ARSB: variants seen among roughly 807,000 people sequenced by gnomAD.
The protein encoded by ARSB is N-acetylgalactosamine-4-sulfatase.
A neutral mutation model predicts 50.9 loss-of-function variants in ARSB; 41 were observed. The ratio of observed to expected loss-of-function variants is 0.81; its 90% CI spans 0.63 to 1.04. The LOEUF (loss-of-function observed/expected upper bound fraction) is 1.04, where lower values mean the gene tolerates loss of function less well. ARSB is among the 50% of genes least tolerant of loss of function. The pLI is 0.00. For synonymous variants in ARSB, 269 were observed against 284.8 expected, an observed-to-expected ratio of 0.94 and a Z score of 0.56; for missense variants, 672 against 693.3, an observed-to-expected ratio of 0.97 and a Z score of 0.35.
intron 4 of ARSB, among the ~76,000 whole-genome samples, chr5:78,886,231 TA>T (rs1347435224): frequency 1.8e-4 from 27 of 152,316 alleles, no homozygotes; most frequent in African/African-American, 6.3e-4. Flanking sequence ...GAATTTCACT[TA>T]GTGACTTAAT....
chr5:78,883,893 C>T (rs924086793), intron 5 of ARSB: 3 of 152,070 alleles, frequency 2.0e-5, no homozygotes, highest in Non-Finnish European at 4.4e-5. Context: ...TATTTTTTAA[C>T]ATTAATTATT....
chr5:78,863,508 C>T (rs1024957370), intron 5 of ARSB, among the ~76,000 whole-genome samples: 13 of 145,426 alleles, frequency 8.9e-5, no homozygotes, highest in Non-Finnish European at 1.8e-4. Flanking sequence ...ATAGCAAGGA[C>T]AGAAAACCAA....
chr5:78,821,539 A>G (rs996088608), intron 6 of ARSB, among the ~76,000 whole-genome samples: 1 of 152,234 alleles, frequency 6.6e-6, no homozygotes, highest in African/African-American at 2.4e-5. Context: ...AGATATGGAG[A>G]AAGCACATGC....
rs377009073 is a variant in ARSB at position 78,935,836 on chromosome 5, T to C, written c.898+19459A>G. Among the ~76,000 whole-genome samples, 92 of 152,196 alleles carry C rather than the reference T, an allele frequency of 6.0e-4. 1 individual carries two copies. The East Asian group carries it at 0.013, about 21-fold the overall frequency. On this transcript the variant is annotated intron_variant, in intron 4 of 7. Coordinates refer to ENST00000264914, the MANE Select transcript of ARSB (RefSeq NM_000046.5). ...TTACCCAAGATTGCATAGGCATCAG[T>C]GAGTGTTGGACTCAGGCCATCTGCC...
intron 6 of ARSB, among the ~76,000 whole-genome samples, chr5:78,824,815 T>G (rs976309132): frequency 6.6e-6 from 1 of 152,164 alleles, no homozygotes; most frequent in Non-Finnish European, 1.5e-5. Flanking sequence ...ATGCCAAGAT[T>G]ATTGTCCTCT....
At chr5:78,783,076 A>G (rs1009874793) in intron 6 of ARSB, among the ~76,000 whole-genome samples, 1 of 152,120 alleles carries the variant, frequency 6.6e-6, no homozygotes, top group Non-Finnish European at 1.5e-5. Flanking sequence ...ACTTATGCCT[A>G]TGGTTGAGGC....
At chr5:78,865,998 C>T (rs189199516) in intron 5 of ARSB, among the ~76,000 whole-genome samples, 86 of 152,280 alleles carry the variant, frequency 5.6e-4, no homozygotes, top group African/African-American at 1.9e-3. Context: ...CCACATTTTC[C>T]TGTCTTCTTC....
At chr5:78,851,480 C>G (rs890501992) in intron 5 of ARSB, among the ~76,000 whole-genome samples, 15 of 151,960 alleles carry the variant, frequency 9.9e-5, no homozygotes, top group African/African-American at 3.4e-4. Flanking sequence ...TTACTTCCAA[C>G]TATGTGGTCA....
intron 1 of ARSB, among the ~76,000 whole-genome samples, chr5:78,970,657 A>C (rs1040354623): frequency 1.3e-5 from 2 of 152,162 alleles, no homozygotes; most frequent in Non-Finnish European, 2.9e-5. Flanking sequence ...AGAGTGGCAA[A>C]AGAAAGCTTC....
chr5:78,943,615 T>C (rs1010366545), intron 4 of ARSB, among the ~76,000 whole-genome samples: 14 of 152,366 alleles, frequency 9.2e-5, no homozygotes, highest in African/African-American at 3.4e-4. Context: ...CCCCACTGTC[T>C]TCTGGCTTGT....
At chr5:78,977,619 G>A (rs1331355418) in intron 1 of ARSB, among the ~76,000 whole-genome samples, 2 of 152,310 alleles carry the variant, frequency 1.3e-5, no homozygotes, top group Middle Eastern at 3.4e-3. Context: ...AATGGTGATC[G>A]ACTGAAAGCT....
intron 4 of ARSB, among the ~76,000 whole-genome samples, chr5:78,889,144 A>C (rs1026211745): frequency 2.6e-5 from 4 of 152,172 alleles, no homozygotes; most frequent in African/African-American, 4.8e-5. Flanking sequence ...TGCGGTCCAT[A>C]AGTTCTAGTT....
intron 5 of ARSB, among the ~76,000 whole-genome samples, chr5:78,855,460 C>T (rs1442933713): frequency 6.6e-6 from 1 of 152,138 alleles, no homozygotes; most frequent in African/African-American, 2.4e-5. Context: ...CAGGGGAGCA[C>T]AAAACAGTTG....
Position 78,780,491 on chromosome 5 carries a change from T to C in ARSB, c.1508A>G (p.Gln503Arg), listed in dbSNP as rs1748892411. 2.5e-6 allele frequency: 4 copies of C among 1,614,054 alleles called. No homozygotes were observed. Among genetic ancestry groups the C allele is most frequent in the Non-Finnish European group, 3.4e-6 (4 of 1,180,038 alleles). The change falls in exon 8 of 8, where the codon CAG becomes CGG. Residue 503 changes from glutamine to arginine, a missense_variant. Physicochemically the swap from Gln to Arg is conservative, Grantham distance 43. Coordinates refer to ENST00000264914, the MANE Select transcript of ARSB (RefSeq NM_000046.5). The stretch of plus-strand genomic sequence containing the variant: ...GGGGACTGAGTGTTTATGGTAGAAC[T>C]GTAGGCGGGACAGGAGCTTTGTGAC... The part of the protein sequence containing the change: ...HIVTKLLSRL[Q>R]FYHKHSVPVY...
intron 6 of ARSB, among the ~76,000 whole-genome samples, chr5:78,786,236 A>C (rs1416445377): frequency 6.6e-6 from 1 of 152,234 alleles, no homozygotes; most frequent in Non-Finnish European, 1.5e-5. Flanking sequence ...TTATATAAAT[A>C]GGATCAGACA....
chr5:78,932,215 T>G (rs1750356119), intron 4 of ARSB, among the ~76,000 whole-genome samples: 2 of 152,240 alleles, frequency 1.3e-5, no homozygotes, highest in Non-Finnish European at 2.9e-5. Context: ...TCTCCCATGG[T>G]GGAATCCATT....
chr5:78,781,555 T>C (rs1748927454), intron 7 of ARSB, among the ~76,000 whole-genome samples: 1 of 152,058 alleles, frequency 6.6e-6, no homozygotes, highest in African/African-American at 2.4e-5. Flanking sequence ...CCTGAATAAA[T>C]AGTTGTCTTT....
At chr5:78,919,375 G>A (rs981731479) in intron 4 of ARSB, among the ~76,000 whole-genome samples, 4 of 152,256 alleles carry the variant, frequency 2.6e-5, no homozygotes, top group Non-Finnish European at 5.9e-5. Flanking sequence ...CAGAGTTCAT[G>A]TATGATCCAA....
At chr5:78,883,082 C>A (rs1332186995) in intron 5 of ARSB, 1 of 152,002 alleles carries the variant, frequency 6.6e-6, no homozygotes, top group Non-Finnish European at 1.5e-5. Context: ...CCACGCCCAG[C>A]CAATTATTTT....
Sources: gnomAD v4.1 joint callset for allele counts (sites outside exome capture counted in the v4.1 genomes callset) on GRCh38, gnomAD v4.1.1 for gene constraint, MANE v1.5 for transcripts, NCBI Gene and HGNC (gene_info 2026-07-23, HGNC 2026-07-21) for gene names.